PARP14: variants seen among roughly 807,000 people sequenced by gnomAD.
PARP14 encodes poly(ADP-ribose) polymerase family member 14, also known as protein mono-ADP-ribosyltransferase PARP14.
PARP14 carries 59 observed loss-of-function variants against 154.2 expected under a neutral mutation model. The observed-to-expected ratio is 0.38, with a 90% CI of 0.31 to 0.48. The LOEUF is 0.48. Among genes scored for constraint, PARP14 ranks in the 20% least tolerant of loss-of-function variants. The pLI, the probability that PARP14 is intolerant of heterozygous loss-of-function variation, is 0.98. For synonymous variants in PARP14, 720 were observed against 780.5 expected, an observed-to-expected ratio of 0.92 and a Z score of 1.29; for missense variants, 1,734 against 2,131.6, an observed-to-expected ratio of 0.81 and a Z score of 3.67.
chr3:122,710,345 T>A (rs914508801), intron 9 of PARP14, among the ~76,000 whole-genome samples: 2 of 152,202 alleles, frequency 1.3e-5, no homozygotes, highest in Non-Finnish European at 2.9e-5. Context: ...TTTGTATGCT[T>A]TGCTGAAGAT....
intron 5 of PARP14, among the ~76,000 whole-genome samples, chr3:122,696,834 A>G (rs1372953355): frequency 2.0e-5 from 3 of 152,114 alleles, no homozygotes; most frequent in Non-Finnish European, 4.4e-5. Flanking sequence ...ATCTCTTTGC[A>G]CCATCTAACT....
Position 122,713,054 on chromosome 3 carries a change from GA to G in PARP14, c.3620-369del, listed in dbSNP as rs531421593. ...AAATGGAAAACTGCCCCACTTAGCA[GA>G]TTGCTTCTGCAAGTTTTGGCACCTT... On this transcript the variant is annotated intron_variant, in intron 9 of 16. Transcript: ENST00000474629. Among the ~76,000 whole-genome samples, 4 of 152,326 alleles carry G rather than the reference GA, an allele frequency of 2.6e-5. No individual in the cohort carries two copies. The South Asian group carries it at 8.3e-4, about 32-fold the overall frequency.
In PARP14 at chr3:122,718,142, G is replaced by A; in HGVS notation, c.4072G>A (p.Gly1358Arg). Residue 1358 changes from glycine (G) to arginine (R), a missense_variant, in exon 13 of 17, where the codon GGA becomes AGA. Transcript: ENST00000474629. ...TGCCATTGAAGACTTTGTCCAGAAA[G>A]GATCAGCCCAGTCTGTGAAAAAAGT... ...IDAIEDFVQK[G>R]SAQSVKKVKV... 1 of 1,613,870 alleles carries A rather than the reference G, an allele frequency of 6.2e-7. No individual in the cohort carries two copies. Among genetic ancestry groups the A allele is most frequent in the Non-Finnish European group, 8.5e-7 (1 of 1,179,818 alleles).
intron 15 of PARP14, chr3:122,720,803 C>T (rs966961472): frequency 1.8e-5 from 8 of 457,028 alleles, no homozygotes; most frequent in Non-Finnish European, 2.6e-5. Context: ...GGCCTTTTCT[C>T]GTTTATCATA....
At chr3:122,684,229 C>T (rs895059154) in intron 1 of PARP14, among the ~76,000 whole-genome samples, 2 of 152,210 alleles carry the variant, frequency 1.3e-5, no homozygotes, top group African/African-American at 4.8e-5. Flanking sequence ...AGAGCTACAC[C>T]TGTGACCTGT....
chr3:122,715,876 G>T (rs1046183001), intron 12 of PARP14, among the ~76,000 whole-genome samples: 7 of 152,168 alleles, frequency 4.6e-5, no homozygotes, highest in African/African-American at 1.4e-4. Context: ...AAGAAAGAAG[G>T]TAGGTTTCGT....
chr3:122,697,481 C>T (rs568346480), intron 5 of PARP14, among the ~76,000 whole-genome samples: 14 of 152,346 alleles, frequency 9.2e-5, no homozygotes, highest in Non-Finnish European at 1.5e-4. Context: ...TATACCCTAA[C>T]TTCTCTCCTC....
chr3:122,710,631 TA>T (rs1939293923), intron 9 of PARP14, among the ~76,000 whole-genome samples: 1 of 152,118 alleles, frequency 6.6e-6, no homozygotes, highest in South Asian at 2.1e-4. Flanking sequence ...ATTGAATCTG[TA>T]GATTGCTTTG....
In PARP14 at chr3:122,718,553, G is replaced by A. The variant is rs564004211; in HGVS notation, c.4402G>A (p.Asp1468Asn). The A allele has an allele frequency of 5.0e-6, 8 of 1,613,874 alleles. No homozygotes were observed. Among genetic ancestry groups the A allele is most frequent in the Non-Finnish European group, 6.8e-6 (8 of 1,179,820 alleles). Residue 1468 changes from aspartate to asparagine, a missense_variant, in exon 14 of 17, where the codon GAT (aspartate) becomes AAT (asparagine). Around this residue, in one of 2 missense-constraint regions of PARP14, gnomAD observed 1,646 missense variants for 1,976.0 expected, o/e 0.83. Transcript: ENST00000474629. ...TGAAGATGAGTGCATCAAAGACTTT[G>A]ATGAAAAGGAGTATCAGGAGTTGAA... ...TSEDECIKDF[D>N]EKEYQELNEL...
chr3:122,710,791 TTTTA>T (rs59634432), intron 9 of PARP14, among the ~76,000 whole-genome samples: 65,593 of 139,804 alleles, frequency 0.47, 15,776 homozygotes, highest in Admixed American at 0.56. Context: ...TTCCTAGGTA[TTTTA>T]TTTATTTATT....
intron 1 of PARP14, among the ~76,000 whole-genome samples, chr3:122,682,207 T>G (rs887718756): frequency 1.3e-5 from 2 of 152,218 alleles, no homozygotes; most frequent in Non-Finnish European, 2.9e-5. Flanking sequence ...TGTGTGATAT[T>G]AGTCATTTCT....
rs554477478 is a variant in PARP14 at position 122,685,256 on chromosome 3, G to C, written c.259G>C (p.Val87Leu). ...AGGAAAAGGAACATTCAAGTTAACT[G>C]TCCAGTTACCTGCAACCCCAGATGA... ...WQGKGTFKLT[V>L]QLPATPDEID... Residue 87 changes from valine to leucine, a missense_variant, in exon 2 of 17, where the codon GTC becomes CTC. Physicochemically the swap from Val to Leu is conservative, Grantham distance 32 (BLOSUM62 1). Transcript: ENST00000474629. 16 of 1,613,726 alleles carry C rather than the reference G, an allele frequency of 9.9e-6. No individual in the cohort carries two copies. The highest frequency in any genetic ancestry group is 1.4e-5 in the Non-Finnish European group (16 of 1,179,668).
intron 5 of PARP14, among the ~76,000 whole-genome samples, chr3:122,697,509 C>T (rs1057444533): frequency 1.1e-4 from 16 of 152,198 alleles, no homozygotes; most frequent in Non-Finnish European, 5.9e-5. Context: ...ATCTCCTGTT[C>T]ACCTATAACG....
chr3:122,705,982 T>C (rs1205007510), intron 8 of PARP14, among the ~76,000 whole-genome samples: 1 of 152,242 alleles, frequency 6.6e-6, no homozygotes, highest in East Asian at 1.9e-4. Flanking sequence ...GAATAGCACA[T>C]ACTTTCCCTC....
chr3:122,705,054 A>G (rs1326374526), intron 8 of PARP14, among the ~76,000 whole-genome samples: 1 of 152,206 alleles, frequency 6.6e-6, no homozygotes, highest in African/African-American at 2.4e-5. Flanking sequence ...AATATGTTTC[A>G]TCTCTATCTT....
chr3:122,699,670 A>T lies in PARP14; in HGVS notation c.1116A>T (p.Leu372Phe). Residue 372 changes from leucine to phenylalanine, a missense_variant, in exon 6 of 17, where the codon TTA becomes TTT. Around this residue, in one of 2 missense-constraint regions of PARP14, gnomAD observed 1,646 missense variants for 1,976.0 expected, o/e 0.83. Coordinates refer to ENST00000474629, the MANE Select transcript of PARP14 (RefSeq NM_017554.3). ...TTACCATCAGACCAGCAGCCACCTT[A>T]GTCAATGAAGGAAGACCGAGAATCA... ...GKVTIRPAATLVNEGRPRIKT... is the reference protein window; with the variant it reads ...GKVTIRPAATFVNEGRPRIKT... The T allele has an allele frequency of 6.2e-7, 1 of 1,614,078 alleles. No individual in the cohort carries two copies. The highest frequency in any genetic ancestry group is 8.5e-7 in the Non-Finnish European group (1 of 1,179,900).
intron 8 of PARP14, among the ~76,000 whole-genome samples, chr3:122,705,266 C>T (rs1396491342): frequency 6.6e-6 from 1 of 152,208 alleles, no homozygotes; most frequent in Non-Finnish European, 1.5e-5. Flanking sequence ...TTCTGACTAT[C>T]TCATAAACGT....
rs969084671 is a variant in PARP14 at position 122,685,075 on chromosome 3, A to G, written c.188-110A>G. ...CTTCACATATAGCCTCTCTTGAGAA[A>G]CCGACCAAGCCATTGATTGATGGTA... On this transcript the variant is annotated intron_variant, in intron 1 of 16. Transcript: ENST00000474629. 1.1e-5 allele frequency: 13 copies of G among 1,215,844 alleles called. No homozygotes were observed. The African/African-American group carries it at 1.8e-4, about 17-fold the overall frequency. 75.3% of individuals were successfully genotyped at this position (1,215,844 alleles called of 1,614,324 possible).
In PARP14 at chr3:122,700,975, G is replaced by T. The variant is rs1483846593; in HGVS notation, c.2421G>T (p.Gln807His). 3 of 1,614,002 alleles carry T rather than the reference G, an allele frequency of 1.9e-6. No homozygotes were observed. Among genetic ancestry groups the T allele is most frequent in the African/African-American group, 1.3e-5 (1 of 75,054 alleles). Residue 807 changes from glutamine (Q) to histidine (H), a missense_variant, in exon 6 of 17, where the codon CAG (glutamine) becomes CAT (histidine). This residue lies in a region of PARP14 where 1,646 missense variants were observed against 1,976.0 expected (regional missense o/e 0.83). Transcript: ENST00000474629. Reference sequence around the variant, plus strand: ...CCCCTGGCGTTGTGCTGATTGTGCAGCAGGGTGACTTGGCACGGCTTCCTG... The same window carrying T: ...CCCCTGGCGTTGTGCTGATTGTGCATCAGGGTGACTTGGCACGGCTTCCTG... ...VLAPGVVLIVQQGDLARLPVD... is the reference protein window; with the variant it reads ...VLAPGVVLIVHQGDLARLPVD...
Sources: allele counts gnomAD v4.1 joint callset (sites outside exome capture counted in the v4.1 genomes callset), GRCh38; gene constraint gnomAD v4.1.1; regional missense constraint gnomAD v4.1.1; transcripts MANE v1.5; gene names NCBI Gene and HGNC (gene_info 2026-07-23, HGNC 2026-07-21).